The following CHADL variants were observed in gnomAD, a reference collection of about 807,000 sequenced individuals.
The protein encoded by CHADL is chondroadherin-like protein.
CHADL carries 48 observed loss-of-function variants against 52.1 expected under a neutral mutation model. The observed-to-expected ratio is 0.92, with a 90% CI of 0.73 to 1.17. The LOEUF is 1.17. CHADL is among the 50% of genes most tolerant of loss of function. The pLI is 0.00. For missense variants in CHADL, 977 were observed against 1,035.1 expected (o/e 0.94, Z 0.77); for synonymous variants, 498 against 511.2 (o/e 0.97, Z 0.35).
In CHADL at chr22:41,237,923, A is replaced by G. The variant is rs951602297; in HGVS notation, c.1149T>C (p.Pro383=). The G allele has an allele frequency of 4.7e-6, 6 of 1,279,836 alleles. No individual in the cohort carries two copies. The highest frequency in any genetic ancestry group is 4.2e-5 in the Admixed American group (1 of 23,560). 79.3% of individuals were successfully genotyped at this position (1,279,836 alleles called of 1,614,324 possible). A position where few individuals can be genotyped will look rare whatever the true frequency, so the allele number is the denominator to read the frequency against. Residue 383 remains proline, a synonymous_variant, in exon 3 of 6, where the codon CCT becomes CCC. Coordinates refer to ENST00000216241, the MANE Select transcript of CHADL (RefSeq NM_138481.2). ...CCCGCTCCTCCCCGGGGCCGCGCGG[A>G]GGGCCGCGCGGAGGGGCGCGGGGCC... The part of the protein sequence containing the change: ...VAGPRAPPRG[P]PRGPGEERAV...
intron 5 of CHADL, among the ~76,000 whole-genome samples, chr22:41,234,173 G>T (rs1014317411): frequency 6.6e-6 from 1 of 152,106 alleles, no homozygotes; most frequent in Admixed American, 6.6e-5. Context: ...CTGGGACATG[G>T]TTGAGTCAAC....
intron 4 of CHADL, 28 bp from the exon 5 acceptor site, chr22:41,235,371 A>G: frequency 6.5e-7 from 1 of 1,540,694 alleles, no homozygotes; most frequent in African/African-American, 1.4e-5. Context: ...CTGGGGAGCT[A>G]GCTGTGCTGA....
chr22:41,240,449 C>T (rs779711567), intron 1 of CHADL, among the ~76,000 whole-genome samples: 3 of 152,206 alleles, frequency 2.0e-5, no homozygotes, highest in African/African-American at 2.4e-5. Flanking sequence ...GGCTGTTCCC[C>T]GGCCCCCAGG....
chr22:41,234,425 A>G (rs1044466633), intron 5 of CHADL, among the ~76,000 whole-genome samples: 1 of 151,134 alleles, frequency 6.6e-6, no homozygotes, highest in Non-Finnish European at 1.5e-5. Context: ...CCCTGTCGCC[A>G]GGCTGGGGTG....
At chr22:41,236,365 C>T (rs117830926) in intron 4 of CHADL, 119 bp downstream of exon 4, 136 of 886,758 alleles carry the variant, frequency 1.5e-4, no homozygotes, top group Non-Finnish European at 2.2e-4. Flanking sequence ...TCACAGGACC[C>T]GCCCCTCCCC....
At chr22:41,236,775 G>A (rs2032748836) in intron 3 of CHADL, 125 bp from the exon 4 acceptor site, 12 of 965,246 alleles carry the variant, frequency 1.2e-5, no homozygotes, top group Non-Finnish European at 1.8e-5. Flanking sequence ...GTCCAGCCAG[G>A]AAGTGCAGCG....
intron 5 of CHADL, among the ~76,000 whole-genome samples, chr22:41,233,331 A>G (rs1230956468): frequency 6.6e-6 from 1 of 152,060 alleles, no homozygotes; most frequent in Non-Finnish European, 1.5e-5. Flanking sequence ...GCGTGGTGGC[A>G]CGCACCTGTA....
chr22:41,238,701 T>TC lies in CHADL; in HGVS notation c.370dup (p.Glu124GlyfsTer371). ...CCCGTCCAGCGCCTCCTGGGGCAGC[T>TC]CACGCAGGTGGTTGGAGGCCAGGTT... On this transcript the variant is annotated frameshift_variant, in exon 3 of 6. Transcript: ENST00000216241. LOFTEE classifies it high-confidence loss of function. This position sits in a 1 kb window ranked among gnomAD's most constrained non-coding sequence, Gnocchi z 4.9. The TC allele has an allele frequency of 2.6e-6, 4 of 1,547,056 alleles. No individual in the cohort carries two copies. The highest frequency in any genetic ancestry group is 3.5e-6 in the Non-Finnish European group (4 of 1,145,960).
intron 5 of CHADL, among the ~76,000 whole-genome samples, chr22:41,232,933 A>G (rs1342650984): frequency 1.3e-5 from 2 of 152,130 alleles, no homozygotes; most frequent in African/African-American, 4.8e-5. Context: ...CTGGCTTCCA[A>G]GGCAGAACTT....
Position 41,235,351 on chromosome 22 carries a change from G to A in CHADL, c.2064-8C>T. 1.3e-6 allele frequency: 2 copies of A among 1,549,640 alleles called. No individual in the cohort carries two copies. Among genetic ancestry groups the A allele is most frequent in the East Asian group, 4.9e-5 (2 of 40,922 alleles). The stretch of plus-strand genomic sequence containing the variant: ...TTCAGCCCAGTAAGCCACCTGAAGA[G>A]AAAAGAGAGCTGGGGAGCTAGCTGT... On this transcript the variant is annotated splice_polypyrimidine_tract_variant and splice_region_variant and intron_variant, in intron 4 of 5. Coordinates refer to ENST00000216241, the MANE Select transcript of CHADL (RefSeq NM_138481.2).
chr22:41,229,852 C>A (rs2032462556), intron 5 of CHADL, 122 bp from the exon 6 acceptor site: 1 of 932,398 alleles, frequency 1.1e-6, no homozygotes, highest in Non-Finnish European at 1.7e-6. Flanking sequence ...CTGAGTCCCC[C>A]TCTAGCCCGG....
rs550558489 is a variant in CHADL, at chr22:41,232,833, C to T, written c.2262+2312G>A. On this transcript the variant is annotated intron_variant, in intron 5 of 5. Coordinates refer to ENST00000216241, the MANE Select transcript of CHADL (RefSeq NM_138481.2). ...TTCTACATGAGCCTCCCGGGGCTGA[C>T]GCAGGGAGAAAGCACTGCTGCCATT... is the stretch of plus-strand genomic sequence containing the variant. Among the ~76,000 whole-genome samples, 7 of 152,204 alleles carry T rather than the reference C, an allele frequency of 4.6e-5. No homozygotes were observed. In the East Asian group the frequency reaches 7.7e-4, roughly 17 times the overall value.
At chr22:41,232,727 C>T (rs2032648395) in intron 5 of CHADL, among the ~76,000 whole-genome samples, 1 of 152,008 alleles carries the variant, frequency 6.6e-6, no homozygotes. Context: ...GGGTGGGGAC[C>T]CGGGGTGTCT....
Position 41,238,965 on chromosome 22 carries a change from T to G in CHADL, c.187-80A>C. 1 of 1,437,560 alleles carries G rather than the reference T, an allele frequency of 7.0e-7. No homozygotes were observed. Among genetic ancestry groups the G allele is most frequent in the Non-Finnish European group, 9.2e-7 (1 of 1,088,920 alleles). The allele number at this position is 1,437,560 out of a possible 1,614,324, so 89.1% of individuals were successfully genotyped here. A position where few individuals can be genotyped will look rare whatever the true frequency, so the allele number is the denominator to read the frequency against. ...AAGTGCTGCTTCTTCCCCGGAACAC[T>G]CTTTTCTCCTGTCACCTTTCCCATA... is the stretch of plus-strand genomic sequence containing the variant. On this transcript the variant is annotated intron_variant, in intron 2 of 5. Transcript: ENST00000216241. The surrounding 1 kb of genome is among the most constrained non-coding windows in gnomAD (Gnocchi z 4.9).
rs2032525289 is a variant in CHADL, at chr22:41,230,456, C to T, written c.2263-726G>A. The T allele has an allele frequency of 9.2e-6, 5 of 543,512 alleles. No individual in the cohort carries two copies. In the South Asian group the frequency reaches 1.2e-4, roughly 13 times the overall value. 33.7% of individuals were successfully genotyped at this position (543,512 alleles called of 1,614,324 possible). ...CTTCTGCCCTCCCCTGTGGAAAGGT[C>T]TATATGACGGGCCGCCTGAGGCCCC... On this transcript the variant is annotated intron_variant, in intron 5 of 5. Transcript: ENST00000216241.
Position 41,238,461 on chromosome 22 carries a change from C to T in CHADL, c.611G>A (p.Gly204Asp), listed in dbSNP as rs867693971. Reference protein sequence around the residue: ...LSVLAPEALAGLPALRRLSLH... With the variant: ...LSVLAPEALADLPALRRLSLH... ...GCTGAGCCGTCTCAGGGCGGGCAGGCCAGCCAGGGCCTCGGGGGCCAGCAC... is the reference window on the plus strand; with the variant it reads ...GCTGAGCCGTCTCAGGGCGGGCAGGTCAGCCAGGGCCTCGGGGGCCAGCAC... The change falls in exon 3 of 6, where the codon GGC becomes GAC. Residue 204 changes from glycine (G) to aspartate (D), a missense_variant. Coordinates refer to ENST00000216241, the MANE Select transcript of CHADL (RefSeq NM_138481.2). This position sits in a 1 kb window ranked among gnomAD's most constrained non-coding sequence, Gnocchi z 4.9. 1.3e-6 allele frequency: 2 copies of T among 1,529,626 alleles called. No homozygotes were observed. Among genetic ancestry groups the T allele is most frequent in the Non-Finnish European group, 1.8e-6 (2 of 1,140,638 alleles). The allele number at this position is 1,529,626 out of a possible 1,614,324, so 94.8% of individuals were successfully genotyped here. A position where few individuals can be genotyped will look rare whatever the true frequency, so the allele number is the denominator to read the frequency against.
chr22:41,237,144 T>C (rs1446547584), intron 3 of CHADL, 32 bp downstream of exon 3: 2 of 1,512,522 alleles, frequency 1.3e-6, no homozygotes, highest in South Asian at 1.3e-5. Context: ...TGCCGCCTCC[T>C]GCACCAACCC....
chr22:41,232,994 C>CGGGA (rs1237094448), intron 5 of CHADL, among the ~76,000 whole-genome samples: 1 of 152,130 alleles, frequency 6.6e-6, no homozygotes, highest in Non-Finnish European at 1.5e-5. Context: ...GGCTCCCAGC[C>CGGGA]AGAAATTAGG....
chr22:41,238,555 G>A lies in CHADL; in HGVS notation c.517C>T (p.Leu173=), dbSNP rs752971452. 26 of 1,546,176 alleles carry A rather than the reference G, an allele frequency of 1.7e-5. No individual in the cohort carries two copies. In the East Asian group the frequency reaches 4.6e-4, roughly 28 times the overall value. The change falls in exon 3 of 6, where the codon CTG becomes TTG. Residue 173 remains leucine, a synonymous_variant. Transcript: ENST00000216241. The surrounding 1 kb of genome is among the most constrained non-coding windows in gnomAD (Gnocchi z 4.9). ...LNLAHNALVY[L]PAMAFQGLLR... is the part of the protein sequence containing the mutation. ...AGCCCCTGGAAGGCCATGGCGGGCAGGTAAACCAGGGCGTTGTGGGCCAGG... is the reference window on the plus strand; with the variant it reads ...AGCCCCTGGAAGGCCATGGCGGGCAAGTAAACCAGGGCGTTGTGGGCCAGG...
Sources: gnomAD v4.1 joint callset for allele counts (sites outside exome capture counted in the v4.1 genomes callset) on GRCh38, gnomAD v4.1.1 for gene constraint, Gnocchi (gnomAD v3.1) non-coding constraint, MANE v1.5 for transcripts, NCBI Gene and HGNC (gene_info 2026-07-23, HGNC 2026-07-21) for gene names.